The following VEZT variants were observed in gnomAD, a reference collection of about 807,000 sequenced individuals.
The protein encoded by VEZT is vezatin, adherens junctions transmembrane protein.
A neutral mutation model predicts 79.9 loss-of-function variants in VEZT; 39 were observed. The observed-to-expected ratio is 0.49, with a 90% CI of 0.38 to 0.64. VEZT has a LOEUF of 0.64. Ranked by LOEUF, VEZT falls within the 30% of genes least tolerant of loss-of-function variation. The pLI, the probability that VEZT is intolerant of heterozygous loss-of-function variation, is 0.00. For synonymous variants in VEZT, 325 were observed against 327.6 expected, an observed-to-expected ratio of 0.99 and a Z score of 0.09; for missense variants, 837 against 893.1, an observed-to-expected ratio of 0.94 and a Z score of 0.80.
At chr12:95,251,869 T>A in intron 1 of VEZT, 71 bp from the exon 2 acceptor site, 1 of 1,461,784 alleles carries the variant, frequency 6.8e-7, no homozygotes, top group Admixed American at 2.0e-5. Flanking sequence ...AAGTCTGGTA[T>A]TAAGTTTGGC....
intron 11 of VEZT, among the ~76,000 whole-genome samples, chr12:95,297,157 C>G (rs548975694): frequency 6.6e-6 from 1 of 152,258 alleles, no homozygotes; most frequent in Non-Finnish European, 1.5e-5. Flanking sequence ...TCTCACCCTT[C>G]TTTTCTTAAG....
At chr12:95,244,261 C>A (rs375391697) in intron 1 of VEZT, among the ~76,000 whole-genome samples, 5 of 151,868 alleles carry the variant, frequency 3.3e-5, no homozygotes, top group Admixed American at 1.3e-4. Flanking sequence ...CATAATGGCA[C>A]ATACCTGTAG....
chr12:95,285,400 C>T (rs1219360615), intron 8 of VEZT, among the ~76,000 whole-genome samples: 1 of 152,088 alleles, frequency 6.6e-6, no homozygotes, highest in Non-Finnish European at 1.5e-5. Flanking sequence ...GCCGAAATCA[C>T]ACCACTGCAC....
Position 95,300,722 on chromosome 12 carries a change from T to C in VEZT, c.*49T>C. 1.3e-6 allele frequency: 2 copies of C among 1,493,476 alleles called. No individual in the cohort carries two copies. The highest frequency in any genetic ancestry group is 1.8e-6 in the Non-Finnish European group (2 of 1,127,012). 92.5% of individuals were successfully genotyped at this position (1,493,476 alleles called of 1,614,324 possible). A position where few individuals can be genotyped will look rare whatever the true frequency, so the allele number is the denominator to read the frequency against. ...TATTAGATTGTTCCTTTTACAAAAGTGTTTAGCTTCAAGACTGGAAAGGGA... is the reference window on the plus strand; with the variant it reads ...TATTAGATTGTTCCTTTTACAAAAGCGTTTAGCTTCAAGACTGGAAAGGGA... On this transcript the variant is annotated 3_prime_UTR_variant, in exon 12 of 12. Coordinates refer to ENST00000436874, the MANE Select transcript of VEZT (RefSeq NM_017599.4).
At chr12:95,248,088 T>G (rs1332005661) in intron 1 of VEZT, among the ~76,000 whole-genome samples, 1 of 152,186 alleles carries the variant, frequency 6.6e-6, no homozygotes, top group Non-Finnish European at 1.5e-5. Flanking sequence ...TGTAAAACAG[T>G]GCTTTCTGGG....
intron 1 of VEZT, among the ~76,000 whole-genome samples, chr12:95,232,440 G>A (rs1239722736): frequency 6.6e-5 from 10 of 152,188 alleles, no homozygotes; most frequent in African/African-American, 2.4e-4. Context: ...ACTTGGGAAT[G>A]GAAATCAAAG....
At chr12:95,269,948 G>T in intron 5 of VEZT, 103 bp from the exon 6 acceptor site, 1 of 1,355,992 alleles carries the variant, frequency 7.4e-7, no homozygotes, top group Non-Finnish European at 1.0e-6. Flanking sequence ...CATGAAAGAG[G>T]AATTTGTTTT....
intron 10 of VEZT, among the ~76,000 whole-genome samples, chr12:95,294,839 T>TG (rs2073799538): frequency 6.6e-6 from 1 of 152,206 alleles, no homozygotes; most frequent in Admixed American, 6.5e-5. Flanking sequence ...TTTCCGTGTA[T>TG]ATTGCATAAC....
intron 9 of VEZT, among the ~76,000 whole-genome samples, chr12:95,289,580 T>G (rs1940059844): frequency 6.6e-6 from 1 of 152,148 alleles, no homozygotes; most frequent in African/African-American, 2.4e-5. Context: ...ATAAGCCATT[T>G]TCTAATTATT....
intron 1 of VEZT, among the ~76,000 whole-genome samples, chr12:95,242,862 T>A (rs1458169598): frequency 1.8e-5 from 2 of 111,858 alleles, no homozygotes; most frequent in Non-Finnish European, 3.4e-5. Flanking sequence ...GACAAGAGCA[T>A]AACTCCATCT....
At chr12:95,228,612 G>A (rs938754713) in intron 1 of VEZT, among the ~76,000 whole-genome samples, 22 of 152,090 alleles carry the variant, frequency 1.4e-4, no homozygotes, top group Middle Eastern at 6.8e-3. Context: ...GAGATTAGAA[G>A]TATAGCAAAA....
chr12:95,292,359 T>A (rs1414371813), intron 9 of VEZT, among the ~76,000 whole-genome samples: 1 of 152,060 alleles, frequency 6.6e-6, no homozygotes, highest in African/African-American at 2.4e-5. Context: ...TTTATTTGGT[T>A]TTTTTTCTTT....
In VEZT at chr12:95,300,504, AGAG is replaced by A. The variant is rs751450034; in HGVS notation, c.2173_2175del (p.Arg725del). 8 of 1,613,974 alleles carry A rather than the reference AGAG, an allele frequency of 5.0e-6. No individual in the cohort carries two copies. The African/African-American group carries it at 1.1e-4, about 22-fold the overall frequency. On this transcript the variant is annotated inframe_deletion, in exon 12 of 12. Transcript: ENST00000436874. ...GACTCATTACAGCCCTCCATTAAGC[AGAG>A]GCTGGCACGGCTACAGCTGTCACCA...
At chr12:95,286,713 C>A in intron 8 of VEZT, 1 of 396,244 alleles carries the variant, frequency 2.5e-6, no homozygotes, top group South Asian at 2.1e-5. Context: ...TCCACTTTCC[C>A]ATTCCCTGCG....
At chr12:95,226,896 G>A (rs2058570401) in intron 1 of VEZT, among the ~76,000 whole-genome samples, 1 of 150,426 alleles carries the variant, frequency 6.6e-6, no homozygotes, top group South Asian at 2.1e-4. Flanking sequence ...AAGATCATTT[G>A]TTTTAATTAG....
chr12:95,226,663 C>T lies in VEZT; in HGVS notation c.36+8777C>T, dbSNP rs147890173. On this transcript the variant is annotated intron_variant, in intron 1 of 11. Coordinates refer to ENST00000436874, the MANE Select transcript of VEZT (RefSeq NM_017599.4). ...TATATTTTGGGTCATTTGTATTTCT[C>T]CTTCCAGTGATCACTTTGAGTCCTC... Among the ~76,000 whole-genome samples, 1,449 of 152,198 alleles carry T rather than the reference C, an allele frequency of 9.5e-3. 9 individuals carry two copies. Among genetic ancestry groups the T allele is most frequent in the Non-Finnish European group, 0.015 (997 of 67,998 alleles).
rs543072496 is a variant in VEZT at position 95,225,556 on chromosome 12, CAAACA to C, written c.36+7699_36+7703del. The stretch of plus-strand genomic sequence containing the variant: ...TGGGCGATAGAGCAAGACTCTGTCT[CAAACA>C]AAACAAAACAAAACAAAACAAAACA... On this transcript the variant is annotated intron_variant, in intron 1 of 11. Transcript: ENST00000436874. 3.2e-4 allele frequency among the ~76,000 whole-genome samples: 49 copies of C among 151,626 alleles called. No individual in the cohort carries two copies. In the East Asian group the frequency reaches 4.7e-3, roughly 14 times the overall value.
intron 3 of VEZT, among the ~76,000 whole-genome samples, chr12:95,260,754 G>A (rs1391545714): frequency 1.3e-5 from 2 of 152,118 alleles, no homozygotes; most frequent in African/African-American, 2.4e-5. Context: ...TCTAATTGGG[G>A]AACCAAATAG....
chr12:95,298,220 T>C (rs1362394682), intron 11 of VEZT, among the ~76,000 whole-genome samples: 1 of 152,098 alleles, frequency 6.6e-6, no homozygotes, highest in Non-Finnish European at 1.5e-5. Flanking sequence ...TAGTCTCTCC[T>C]TCTCCATGAA....
Sources: gnomAD v4.1 joint callset for allele counts (sites outside exome capture counted in the v4.1 genomes callset) on GRCh38, gnomAD v4.1.1 for gene constraint, MANE v1.5 for transcripts, NCBI Gene and HGNC (gene_info 2026-07-23, HGNC 2026-07-21) for gene names.